KRT36: variants seen among roughly 807,000 people sequenced by gnomAD.
KRT36 encodes the protein keratin, type I cuticular Ha6.
In KRT36, 41 loss-of-function variants were observed where a neutral mutation model predicts 43.0. The observed-to-expected ratio is 0.95, with a 90% CI of 0.74 to 1.24. The LOEUF is 1.24. KRT36 is among the 50% of genes most tolerant of loss of function. KRT36 has a pLI of 0.00. For synonymous variants in KRT36, 277 were observed against 252.9 expected (o/e 1.10, Z -0.90); for missense variants, 627 against 595.3 (o/e 1.05, Z -0.55).
Position 41,486,553 on chromosome 17 carries a change from A to G in KRT36, c.1227T>C (p.Cys409=), listed in dbSNP as rs72832087. 0.01 allele frequency: 16,191 copies of G among 1,586,588 alleles called. 94 individuals are homozygous for G. Among genetic ancestry groups the G allele is most frequent in the Middle Eastern group, 0.013 (78 of 5,918 alleles). Residue 409 remains cysteine (C), a synonymous_variant, in exon 7 of 7, where the codon TGT becomes TGC. Coordinates refer to ENST00000328119, the MANE Select transcript of KRT36 (RefSeq NM_003771.5). The part of the protein sequence containing the change: ...GEDCKLPPQP[C]ATACKPVIRV... ...TAATAACAGGCTTGCATGCCGTGGC[A>G]CAAGGTTGGGGAGGAAGCCTGAGGA...
At position 41,487,061 on chromosome 17, in the gene KRT36, C is replaced by T. The variant is rs772818426; in HGVS notation, c.1097G>A (p.Arg366His). ...CTGGTTCTGCCGCTCCAGGTCGCAG[C>T]GGATCTCAGACAGCTGGGCCTCCAC... ...SNVEAQLSEI[R>H]CDLERQNQEY... Residue 366 changes from arginine (R) to histidine (H), a missense_variant, in exon 6 of 7, where the codon CGC (arginine) becomes CAC (histidine). Physicochemically the swap from Arg to His is conservative, Grantham distance 29. Coordinates refer to ENST00000328119, the MANE Select transcript of KRT36 (RefSeq NM_003771.5). 3 of 1,614,220 alleles carry T rather than the reference C, an allele frequency of 1.9e-6. No homozygotes were observed. The highest frequency in any genetic ancestry group is 2.5e-6 in the Non-Finnish European group (3 of 1,180,020).
Position 41,487,670 on chromosome 17 carries a change from A to C in KRT36, c.767T>G (p.Val256Gly), listed in dbSNP as rs1284610062. ...ATCCTCCAGGATCTTGTTGAGATCC[A>C]CTGGGGGAGCAGCGTCCACCTCCAC... Reference protein sequence around the residue: ...LNVEVDAAPPVDLNKILEDMR... With the variant: ...LNVEVDAAPPGDLNKILEDMR... Residue 256 changes from valine (V) to glycine (G), a missense_variant, in exon 4 of 7, where the codon GTG becomes GGG. Coordinates refer to ENST00000328119, the MANE Select transcript of KRT36 (RefSeq NM_003771.5). 2 of 1,614,162 alleles carry C rather than the reference A, an allele frequency of 1.2e-6. No homozygotes were observed. Among genetic ancestry groups the C allele is most frequent in the Non-Finnish European group, 1.7e-6 (2 of 1,179,992 alleles).
In KRT36 at chr17:41,487,086, C is replaced by A. The variant is rs1904407561; in HGVS notation, c.1072G>T (p.Val358Leu). The change falls in exon 6 of 7, where the codon GTG (valine) becomes TTG (leucine). Residue 358 changes from valine to leucine, a missense_variant. By Grantham distance (32) the Val-to-Leu change is conservative. Transcript: ENST00000328119. ...CGGATCTCAGACAGCTGGGCCTCCA[C>A]GTTGCTGATCAGGCACTGCATCTGG... ...LAQMQCLISN[V>L]EAQLSEIRCD... 2.5e-6 allele frequency: 4 copies of A among 1,614,248 alleles called. No individual in the cohort carries two copies. In the East Asian group the frequency reaches 8.9e-5, roughly 36 times the overall value.
chr17:41,487,544 G>A, intron 4 of KRT36, 32 bp downstream of exon 4: 2 of 1,613,008 alleles, frequency 1.2e-6, no homozygotes, highest in Non-Finnish European at 1.7e-6. Flanking sequence ...CCCAGCCCAG[G>A]AGCCTGTGGT....
At position 41,487,164 on chromosome 17, in the gene KRT36, A is replaced by C; in HGVS notation, c.994T>G (p.Ser332Ala). 1 of 1,612,258 alleles carries C rather than the reference A, an allele frequency of 6.2e-7. No homozygotes were observed. Among genetic ancestry groups the C allele is most frequent in the Non-Finnish European group, 8.5e-7 (1 of 1,178,620 alleles). The change falls in exon 6 of 7, where the codon TCC becomes GCC. Residue 332 changes from serine (S) to alanine (A), a missense_variant. Ser to Ala is a moderately conservative substitution (Grantham distance 99). Transcript: ENST00000328119. ...GTTTCGGCCAGGGTGGATTCCAAGG[A>C]ATTCCGCTGCAATGGGAAAGAGGAA... Reference protein sequence around the residue: ...ELQAQHSMRNSLESTLAETEA... With the variant: ...ELQAQHSMRNALESTLAETEA...
rs972255485 is a variant in KRT36 at position 41,489,722 on chromosome 17, TACCCTGCAGCACCGGCGAGACTGGGG to T, written c.117_142del (p.Pro40HisfsTer5). ...GAGGCCCGACCTAGCAGAAGAGATG[TACCCTGCAGCACCGGCGAGACTGGGG>T]ACCCTGCAGGAGCCCACAGAACGGA... On this transcript the variant is annotated frameshift_variant, in exon 1 of 7. Transcript: ENST00000328119. LOFTEE classifies it high-confidence loss of function. 6.2e-7 allele frequency: 1 copy of T among 1,613,930 alleles called. No individual in the cohort carries two copies. The highest frequency in any genetic ancestry group is 1.3e-5 in the African/African-American group (1 of 74,852).
At position 41,489,534 on chromosome 17, in the gene KRT36, C is replaced by T. The variant is rs1597755614; in HGVS notation, c.331G>A (p.Val111Met). The T allele has an allele frequency of 6.2e-7, 1 of 1,614,072 alleles. No homozygotes were observed. The change falls in exon 1 of 7, where the codon GTG (valine) becomes ATG (methionine). Residue 111 changes from valine to methionine, a missense_variant. By Grantham distance (21) the Val-to-Met change is conservative. Transcript: ENST00000328119. ...NDRLANYLEK[V>M]RQLERENAEL... ...GCGTTCTCCCGCTCCAGCTGACGCACCTTCTCCAGGTAGTTGGCCAGGCGG... is the reference window on the plus strand; with the variant it reads ...GCGTTCTCCCGCTCCAGCTGACGCATCTTCTCCAGGTAGTTGGCCAGGCGG...
chr17:41,488,206 T>C (rs540731524), intron 3 of KRT36, 37 bp downstream of exon 3: 2 of 1,598,224 alleles, frequency 1.3e-6, no homozygotes, highest in African/African-American at 2.7e-5. Context: ...CTAAGCTGGA[T>C]GGGAAACACT....
At chr17:41,486,656 G>A (rs1904391411) in intron 6 of KRT36, 85 bp from the exon 7 acceptor site, 5 of 1,105,826 alleles carry the variant, frequency 4.5e-6, no homozygotes, top group South Asian at 3.3e-5. Flanking sequence ...AGGATCAAGC[G>A]AGACCGGTGG....
Position 41,489,824 on chromosome 17 carries a change from G to A in KRT36, c.41C>T (p.Ser14Phe), listed in dbSNP as rs760020435. 1.9e-6 allele frequency: 3 copies of A among 1,613,448 alleles called. No individual in the cohort carries two copies. Among genetic ancestry groups the A allele is most frequent in the African/African-American group, 2.7e-5 (2 of 74,886 alleles). Residue 14 changes from serine to phenylalanine, a missense_variant, in exon 1 of 7, where the codon TCT becomes TTT. Coordinates refer to ENST00000328119, the MANE Select transcript of KRT36 (RefSeq NM_003771.5). Reference sequence around the variant, plus strand: ...TGCTGTGCCACAGAGGCCCTTGATAGACCCAGTGGAGAAGGTAGGGGTGCA... The same window carrying A: ...TGCTGTGCCACAGAGGCCCTTGATAAACCCAGTGGAGAAGGTAGGGGTGCA... Reference protein sequence around the residue: ...QTCTPTFSTGSIKGLCGTAGG... With the variant: ...QTCTPTFSTGFIKGLCGTAGG...
rs777928145 is a variant in KRT36 at position 41,486,989 on chromosome 17, A to G, written c.1169T>C (p.Ile390Thr). 1 of 1,613,610 alleles carries G rather than the reference A, an allele frequency of 6.2e-7. No individual in the cohort carries two copies. Among genetic ancestry groups the G allele is most frequent in the Non-Finnish European group, 8.5e-7 (1 of 1,179,988 alleles). The change falls in exon 6 of 7, where the codon ATC becomes ACC. Residue 390 changes from isoleucine (I) to threonine (T), a missense_variant. Transcript: ENST00000328119. ...CTCCAGCAGGTGGCGGTAGGTAGCG[A>G]TCTCGCCCTCCAGCCGGGCCTTGAC... ...LDVKARLEGEIATYRHLLEGE... is the reference protein window; with the variant it reads ...LDVKARLEGETATYRHLLEGE...
intron 3 of KRT36, among the ~76,000 whole-genome samples, 198 bp from the exon 4 acceptor site, chr17:41,487,935 A>G (rs1048700249): frequency 2.0e-5 from 3 of 152,176 alleles, no homozygotes; most frequent in Admixed American, 6.5e-5. Context: ...GATGATACAA[A>G]CCCTAGGCAA....
Position 41,488,318 on chromosome 17 carries a change from C to T in KRT36, c.624G>A (p.Leu208=). The change falls in exon 3 of 7, where the codon CTG becomes CTA. Residue 208 remains leucine (L), a synonymous_variant. Transcript: ENST00000328119. The part of the protein sequence containing the change: ...GLRRILDELT[L]CKADLEAQVE... The stretch of plus-strand genomic sequence containing the variant: ...CCTGAGCCTCCAGGTCAGCCTTGCA[C>T]AGGGTCAGCTCATCCAGGATCCTAC... 6.2e-7 allele frequency: 1 copy of T among 1,614,184 alleles called. No homozygotes were observed. Among genetic ancestry groups the T allele is most frequent in the Non-Finnish European group, 8.5e-7 (1 of 1,180,020 alleles).
chr17:41,489,454 G>T lies in KRT36; in HGVS notation c.411C>A (p.Cys137Ter). 1 of 1,614,246 alleles carries T rather than the reference G, an allele frequency of 6.2e-7. No homozygotes were observed. The highest frequency in any genetic ancestry group is 8.5e-7 in the Non-Finnish European group (1 of 1,180,052). ...TCTTGAAGTAGGACTGGTAGTCTGG[G>T]CAGATGTATGGGATCTGAAACTCGT... ...EWYEFQIPYI[C>*]PDYQSYFKTI... The change falls in exon 1 of 7, where the codon TGC becomes TGA. Residue 137 changes from cysteine to a stop codon, truncating the protein, a stop_gained. Transcript: ENST00000328119. LOFTEE classifies it high-confidence loss of function.
chr17:41,486,821 T>C (rs2144485481), intron 6 of KRT36, 129 bp downstream of exon 6: 1 of 859,926 alleles, frequency 1.2e-6, no homozygotes, highest in Non-Finnish European at 1.8e-6. Flanking sequence ...AGCCTGGGAC[T>C]AAATGGAGAA....
Position 41,487,370 on chromosome 17 carries a change from A to G in KRT36, c.968T>C (p.Leu323Pro). ...RRTVNALEIE[L>P]QAQHSMRNSL... ...ACTCACCATGCTGTGCTGAGCCTGCAGCTCAATCTCTAGCGCGTTGACCGT... is the reference window on the plus strand; with the variant it reads ...ACTCACCATGCTGTGCTGAGCCTGCGGCTCAATCTCTAGCGCGTTGACCGT... Residue 323 changes from leucine (L) to proline (P), a missense_variant, in exon 5 of 7, where the codon CTG (leucine) becomes CCG (proline). Leu to Pro is a moderately conservative substitution (Grantham distance 98). Transcript: ENST00000328119. 6.2e-7 allele frequency: 1 copy of G among 1,612,308 alleles called. No individual in the cohort carries two copies. The highest frequency in any genetic ancestry group is 8.5e-7 in the Non-Finnish European group (1 of 1,179,822).
rs963460446 is a variant in KRT36 at position 41,486,947 on chromosome 17, C to A, written c.1208+3G>T. On this transcript the variant is annotated splice_donor_region_variant and intron_variant, in intron 6 of 6. Transcript: ENST00000328119. ...GCCCTACCCCAGCCCAAGGGCCACTCACTTGCAGTCCTCTCCCTCCAGCAG... is the reference window on the plus strand; with the variant it reads ...GCCCTACCCCAGCCCAAGGGCCACTAACTTGCAGTCCTCTCCCTCCAGCAG... 1.2e-6 allele frequency: 2 copies of A among 1,611,188 alleles called. No homozygotes were observed. The highest frequency in any genetic ancestry group is 1.3e-5 in the African/African-American group (1 of 74,906).
At position 41,488,678 on chromosome 17, in the gene KRT36, T is replaced by A; in HGVS notation, c.506A>T (p.Asp169Val). 1 of 1,614,164 alleles carries A rather than the reference T, an allele frequency of 6.2e-7. No homozygotes were observed. Among genetic ancestry groups the A allele is most frequent in the Middle Eastern group, 1.6e-4 (1 of 6,062 alleles). The change falls in exon 2 of 7, where the codon GAT (aspartate) becomes GTT (valine). Residue 169 changes from aspartate to valine, a missense_variant. Coordinates refer to ENST00000328119, the MANE Select transcript of KRT36 (RefSeq NM_003771.5). ...GTCGTCAGCAGCCAGCTTGGCATTA[T>A]CAATCTGCAGGACCAGCCTGGCATT... ...SENARLVLQI[D>V]NAKLAADDFR...
At chr17:41,488,958 T>C (rs1016047042) in intron 1 of KRT36, among the ~76,000 whole-genome samples, 4 of 152,126 alleles carry the variant, frequency 2.6e-5, no homozygotes, top group Admixed American at 6.5e-5. Context: ...CACAGCAAGA[T>C]ACACCAGGGT....
Sources: gnomAD v4.1 joint callset for allele counts (sites outside exome capture counted in the v4.1 genomes callset) on GRCh38, gnomAD v4.1.1 for gene constraint, MANE v1.5 for transcripts, NCBI Gene and HGNC (gene_info 2026-07-23, HGNC 2026-07-21) for gene names.